SLC2A13: variants seen among roughly 807,000 people sequenced by gnomAD.
SLC2A13 encodes the protein proton myo-inositol cotransporter.
SLC2A13 carries 32 observed loss-of-function variants against 64.4 expected under a neutral mutation model. The ratio of observed to expected loss-of-function variants is 0.50; its 90% CI spans 0.37 to 0.67. The LOEUF is 0.67. SLC2A13 is among the 30% of genes least tolerant of loss of function. The probability of loss-of-function intolerance (pLI) is 0.00; values close to 1 mark genes in which losing one functional copy is unlikely to be tolerated. For synonymous variants in SLC2A13, 338 were observed against 327.1 expected (o/e 1.03, Z -0.36); for missense variants, 743 against 829.2 (o/e 0.90, Z 1.28).
chr12:39,805,748 A>T (rs772092351), intron 7 of SLC2A13, among the ~76,000 whole-genome samples: 2 of 152,188 alleles, frequency 1.3e-5, no homozygotes, highest in Admixed American at 6.6e-5. Flanking sequence ...TCAGTAACTT[A>T]GGTATCAATG....
chr12:40,103,404 CTA>C (rs1022474044), intron 1 of SLC2A13, among the ~76,000 whole-genome samples: 9 of 152,272 alleles, frequency 5.9e-5, no homozygotes, highest in African/African-American at 2.2e-4. Context: ...CTCTGATAAC[CTA>C]TCTTATAAAG....
At chr12:39,886,049 T>C (rs747435243) in intron 4 of SLC2A13, among the ~76,000 whole-genome samples, 2 of 152,206 alleles carry the variant, frequency 1.3e-5, no homozygotes, top group Non-Finnish European at 2.9e-5. Context: ...TCTTCATGTG[T>C]TTAAGCCCTC....
At chr12:39,980,101 T>C (rs1946859435) in intron 3 of SLC2A13, among the ~76,000 whole-genome samples, 1 of 151,800 alleles carries the variant, frequency 6.6e-6, no homozygotes, top group Non-Finnish European at 1.5e-5. Context: ...AGAAATAAAA[T>C]ACTTTATAGA....
intron 7 of SLC2A13, among the ~76,000 whole-genome samples, chr12:39,789,431 G>C (rs2135758568): frequency 6.6e-6 from 1 of 152,140 alleles, no homozygotes; most frequent in South Asian, 2.1e-4. Flanking sequence ...AAATACATCA[G>C]TTTATCCCTG....
intron 1 of SLC2A13, among the ~76,000 whole-genome samples, chr12:40,058,174 G>T (rs11564198): frequency 0.1 from 15,393 of 151,968 alleles, 838 homozygotes; most frequent in African/African-American, 0.13. Context: ...ATGTTTTTAA[G>T]ATCTACAAAC....
At chr12:39,883,106 G>C (rs1280087719) in intron 4 of SLC2A13, among the ~76,000 whole-genome samples, 1 of 151,804 alleles carries the variant, frequency 6.6e-6, no homozygotes, top group African/African-American at 2.4e-5. Context: ...CACTTTTAAA[G>C]TATATAATTC....
At chr12:39,974,977 T>C (rs1183962492) in intron 3 of SLC2A13, among the ~76,000 whole-genome samples, 1 of 152,228 alleles carries the variant, frequency 6.6e-6, no homozygotes, top group Admixed American at 6.5e-5. Context: ...AGCTAAATTT[T>C]ACTTTTCCAT....
chr12:39,951,228 T>C, intron 4 of SLC2A13, 29 bp downstream of exon 4: 1 of 1,572,772 alleles, frequency 6.4e-7, no homozygotes, highest in Non-Finnish European at 8.7e-7. Flanking sequence ...CACAATCTTT[T>C]CAGTAAAAAG....
intron 4 of SLC2A13, among the ~76,000 whole-genome samples, chr12:39,879,074 G>C (rs1944271991): frequency 6.6e-6 from 1 of 152,276 alleles, no homozygotes; most frequent in Non-Finnish European, 1.5e-5. Flanking sequence ...CAAGGCATAA[G>C]CCTTGCTGTC....
chr12:39,883,960 C>T (rs1442146652), intron 4 of SLC2A13, among the ~76,000 whole-genome samples: 1 of 152,150 alleles, frequency 6.6e-6, no homozygotes, highest in Non-Finnish European at 1.5e-5. Flanking sequence ...CAGACTATCT[C>T]CTGGTGGTGA....
intron 3 of SLC2A13, among the ~76,000 whole-genome samples, chr12:39,973,621 C>CG (rs1946708568): frequency 6.6e-6 from 1 of 152,158 alleles, no homozygotes; most frequent in African/African-American, 2.4e-5. Context: ...CTTGATTCCT[C>CG]GGCTACTCAC....
intron 4 of SLC2A13, among the ~76,000 whole-genome samples, chr12:39,885,695 C>A (rs1339375774): frequency 6.6e-6 from 1 of 152,154 alleles, no homozygotes; most frequent in Non-Finnish European, 1.5e-5. Flanking sequence ...CCTCGTGAAT[C>A]ATGGAATAAA....
chr12:39,780,484 C>T (rs1011820877), intron 7 of SLC2A13, among the ~76,000 whole-genome samples: 1 of 152,194 alleles, frequency 6.6e-6, no homozygotes, highest in Non-Finnish European at 1.5e-5. Context: ...GAATAAAATG[C>T]TTCTCAAAGA....
intron 3 of SLC2A13, among the ~76,000 whole-genome samples, chr12:40,006,151 TTAA>T (rs1200675808): frequency 6.6e-6 from 1 of 152,174 alleles, no homozygotes; most frequent in Non-Finnish European, 1.5e-5. Flanking sequence ...AAAATTGAAA[TTAA>T]TAACGCAGGA....
chr12:39,881,921 G>T (rs926546696), intron 4 of SLC2A13, among the ~76,000 whole-genome samples: 3 of 152,010 alleles, frequency 2.0e-5, no homozygotes, highest in Non-Finnish European at 4.4e-5. Flanking sequence ...GATTCTCGGT[G>T]ACAGTGGCAT....
At chr12:40,024,875 G>A (rs1947778960) in intron 3 of SLC2A13, among the ~76,000 whole-genome samples, 2 of 152,108 alleles carry the variant, frequency 1.3e-5, no homozygotes, top group Admixed American at 6.5e-5. Flanking sequence ...AAGAAACTGA[G>A]GCGCGGCAAC....
rs146407995 is a variant in SLC2A13, at chr12:40,062,308, T to TCC, written c.557-14100_557-14099dup. On this transcript the variant is annotated intron_variant, in intron 1 of 9. Coordinates refer to ENST00000280871, the MANE Select transcript of SLC2A13 (RefSeq NM_052885.4). Reference sequence around the variant, plus strand: ...TGCCCTAGCTGATGGTAGAGGATAGTCCCCTGAGCAGAAATCAAGATTATT... The same window carrying TCC: ...TGCCCTAGCTGATGGTAGAGGATAGTCCCCCCTGAGCAGAAATCAAGATTATT... Among the ~76,000 whole-genome samples, 1,492 of 151,992 alleles carry TCC rather than the reference T, an allele frequency of 9.8e-3. 18 individuals are homozygous for TCC. Among genetic ancestry groups the TCC allele is most frequent in the African/African-American group, 0.034 (1,417 of 41,454 alleles).
intron 7 of SLC2A13, among the ~76,000 whole-genome samples, chr12:39,792,647 A>C (rs1941443375): frequency 6.6e-6 from 1 of 152,260 alleles, no homozygotes; most frequent in Middle Eastern, 3.4e-3. Flanking sequence ...AAACCCACAC[A>C]TACTCAAGTC....
chr12:39,776,099 A>G (rs896466179), intron 7 of SLC2A13, among the ~76,000 whole-genome samples: 4 of 152,170 alleles, frequency 2.6e-5, no homozygotes, highest in Admixed American at 6.5e-5. Flanking sequence ...CTTCTTCCAT[A>G]TTGCTGTTCC....
Sources: gnomAD v4.1 joint callset for allele counts (sites outside exome capture counted in the v4.1 genomes callset) on GRCh38, gnomAD v4.1.1 for gene constraint, MANE v1.5 for transcripts, NCBI Gene and HGNC (gene_info 2026-07-23, HGNC 2026-07-21) for gene names.